THSD7B: variants seen among roughly 807,000 people sequenced by gnomAD.
THSD7B encodes the protein thrombospondin type 1 domain containing 7B.
THSD7B carries 138 observed loss-of-function variants against 213.6 expected under a neutral mutation model. The ratio of observed to expected loss-of-function variants is 0.65; its 90% CI spans 0.56 to 0.74. The LOEUF (loss-of-function observed/expected upper bound fraction) is 0.74. Among genes scored for constraint, THSD7B ranks in the 30% least tolerant of loss-of-function variants. THSD7B has a pLI of 0.00. For synonymous variants in THSD7B, 742 were observed against 687.0 expected (o/e 1.08, Z -1.25); for missense variants, 1,931 against 1,991.5 (o/e 0.97, Z 0.58).
chr2:136,884,823 T>C (rs1056860895), intron 2 of THSD7B, among the ~76,000 whole-genome samples: 5 of 152,190 alleles, frequency 3.3e-5, no homozygotes, highest in Admixed American at 2.0e-4. Context: ...TTATCTTCTC[T>C]TCCTCTATTG....
intron 2 of THSD7B, among the ~76,000 whole-genome samples, chr2:137,023,673 A>C (rs958495817): frequency 2.0e-5 from 3 of 152,090 alleles, no homozygotes; most frequent in Non-Finnish European, 4.4e-5. Flanking sequence ...TAGTTAAGAA[A>C]GAATAAGATA....
Position 137,523,615 on chromosome 2 carries a change from G to A in THSD7B, c.3139-39606G>A, listed in dbSNP as rs372981703. 9.2e-5 allele frequency among the ~76,000 whole-genome samples: 14 copies of A among 152,286 alleles called. No homozygotes were observed. The East Asian group carries it at 2.7e-3, about 29-fold the overall frequency. ...ATACTCAATAATTGTCTGCCCAATAGCCATTCTTTTTTCCATTCCCTTTTT... is the reference window on the plus strand; with the variant it reads ...ATACTCAATAATTGTCTGCCCAATAACCATTCTTTTTTCCATTCCCTTTTT... On this transcript the variant is annotated intron_variant, in intron 15 of 27. Transcript: ENST00000409968.
At chr2:137,510,522 A>G (rs1478107686) in intron 15 of THSD7B, among the ~76,000 whole-genome samples, 1 of 152,314 alleles carries the variant, frequency 6.6e-6, no homozygotes, top group East Asian at 1.9e-4. Flanking sequence ...ATGTGTGTGT[A>G]TTTTATATAT....
At chr2:137,319,234 T>C (rs1429089236) in intron 12 of THSD7B, among the ~76,000 whole-genome samples, 1 of 151,928 alleles carries the variant, frequency 6.6e-6, no homozygotes, top group Non-Finnish European at 1.5e-5. Context: ...TTTTTTTTTT[T>C]TTTTGAAGGA....
chr2:137,570,944 A>G (rs1379217213), intron 16 of THSD7B, among the ~76,000 whole-genome samples: 2 of 152,200 alleles, frequency 1.3e-5, no homozygotes, highest in East Asian at 3.9e-4. Context: ...TTATTAAACC[A>G]TTTTGAAAAA....
chr2:136,873,184 A>C (rs1048070749), intron 1 of THSD7B, among the ~76,000 whole-genome samples: 1 of 152,166 alleles, frequency 6.6e-6, no homozygotes, highest in African/African-American at 2.4e-5. Flanking sequence ...GAGGTAGGAA[A>C]CATATTTGTG....
intron 15 of THSD7B, among the ~76,000 whole-genome samples, chr2:137,546,065 G>T (rs377467582): frequency 1.3e-5 from 2 of 151,102 alleles, no homozygotes; most frequent in Non-Finnish European, 3.0e-5. Context: ...AATGGATTCA[G>T]AAATGAGAGG....
At chr2:137,355,376 A>C (rs1685103942) in intron 12 of THSD7B, among the ~76,000 whole-genome samples, 1 of 152,202 alleles carries the variant, frequency 6.6e-6, no homozygotes, top group Admixed American at 6.5e-5. Context: ...TTTACAGGAA[A>C]TAAATGAGAT....
chr2:137,180,753 T>C (rs1337641283), intron 7 of THSD7B, among the ~76,000 whole-genome samples: 1 of 152,210 alleles, frequency 6.6e-6, no homozygotes, highest in Non-Finnish European at 1.5e-5. Flanking sequence ...TTCTGCTTTA[T>C]GAATCTTGGT....
chr2:136,947,761 A>G (rs895701032), intron 2 of THSD7B, among the ~76,000 whole-genome samples: 2 of 152,216 alleles, frequency 1.3e-5, no homozygotes, highest in East Asian at 3.8e-4. Context: ...TAGGATTTCC[A>G]TAGATTATGT....
At chr2:136,918,740 C>T (rs1325600637) in intron 2 of THSD7B, among the ~76,000 whole-genome samples, 2 of 152,174 alleles carry the variant, frequency 1.3e-5, no homozygotes, top group African/African-American at 4.8e-5. Flanking sequence ...AGCAATCTGG[C>T]CTTTTCAGTG....
At chr2:137,628,488 AC>A (rs1682677097) in intron 20 of THSD7B, among the ~76,000 whole-genome samples, 1 of 152,200 alleles carries the variant, frequency 6.6e-6, no homozygotes, top group African/African-American at 2.4e-5. Flanking sequence ...TTTAGGGACA[AC>A]AGAGAGTAAA....
At chr2:137,136,749 T>C (rs1679469720) in intron 5 of THSD7B, among the ~76,000 whole-genome samples, 1 of 152,212 alleles carries the variant, frequency 6.6e-6, no homozygotes, top group South Asian at 2.1e-4. Context: ...CTCCAAACTC[T>C]CATTTTCTGA....
At chr2:137,662,268 T>A (rs1350590122) in intron 25 of THSD7B, among the ~76,000 whole-genome samples, 2 of 131,646 alleles carry the variant, frequency 1.5e-5, no homozygotes, top group Non-Finnish European at 3.2e-5. Context: ...GTATTTTTGG[T>A]AGAGACAGGT....
intron 1 of THSD7B, among the ~76,000 whole-genome samples, chr2:136,876,363 T>A (rs1458928653): frequency 1.3e-5 from 2 of 152,220 alleles, no homozygotes; most frequent in African/African-American, 4.8e-5. Context: ...ATATTTAGGT[T>A]TATTTCAACT....
At chr2:137,025,946 CAT>C (rs1686546311) in intron 2 of THSD7B, among the ~76,000 whole-genome samples, 1 of 152,150 alleles carries the variant, frequency 6.6e-6, no homozygotes, top group Non-Finnish European at 1.5e-5. Flanking sequence ...CTTTTTGTCA[CAT>C]AAAGAATACA....
At chr2:137,436,839 A>G (rs1272564731) in intron 14 of THSD7B, among the ~76,000 whole-genome samples, 3 of 152,064 alleles carry the variant, frequency 2.0e-5, no homozygotes, top group Non-Finnish European at 4.4e-5. Flanking sequence ...TTTGCCTCCC[A>G]TTTCTCATAT....
intron 19 of THSD7B, 54 bp from the exon 20 acceptor site, chr2:137,620,555 A>C: frequency 3.6e-6 from 5 of 1,406,846 alleles, no homozygotes; most frequent in Non-Finnish European, 5.0e-6. Context: ...AAGGACAGTG[A>C]TTTGACTAAA....
At chr2:137,343,129 TA>T (rs1178360931) in intron 12 of THSD7B, among the ~76,000 whole-genome samples, 2 of 151,766 alleles carry the variant, frequency 1.3e-5, no homozygotes, top group African/African-American at 2.4e-5. Flanking sequence ...AGGTTTGTTT[TA>T]TTTTTTTGCA....
Sources: allele counts gnomAD v4.1 joint callset (sites outside exome capture counted in the v4.1 genomes callset), GRCh38; gene constraint gnomAD v4.1.1; transcripts MANE v1.5; gene names NCBI Gene and HGNC (gene_info 2026-07-23, HGNC 2026-07-21).